Variants in SHANK2 observed in about 807,000 individuals in gnomAD.
SHANK2 encodes the protein SH3 and multiple ankyrin repeat domains 2.
A neutral mutation model predicts 133.7 loss-of-function variants in SHANK2; 43 were observed. The ratio of observed to expected loss-of-function variants is 0.32; its 90% CI spans 0.25 to 0.41. SHANK2 has a LOEUF of 0.41. SHANK2 is among the 10% of genes least tolerant of loss of function. SHANK2 has a pLI of 1.00. For synonymous variants in SHANK2, 1,017 were observed against 952.8 expected, an observed-to-expected ratio of 1.07 and a Z score of -1.24; for missense variants, 1,994 against 2,235.8, an observed-to-expected ratio of 0.89 and a Z score of 2.18.
intron 21 of SHANK2, among the ~76,000 whole-genome samples, chr11:70,499,414 G>C (rs1429460766): frequency 1.3e-5 from 2 of 152,208 alleles, no homozygotes; most frequent in African/African-American, 2.4e-5. Flanking sequence ...TGTGGATGGG[G>C]CCAGGTCCCA....
At chr11:70,822,423 C>T (rs1948543094) in intron 11 of SHANK2, among the ~76,000 whole-genome samples, 1 of 152,212 alleles carries the variant, frequency 6.6e-6, no homozygotes, top group East Asian at 1.9e-4. Context: ...ATGGTGCTGG[C>T]AGAACTCAAG....
chr11:70,701,237 A>G (rs1442205008), intron 14 of SHANK2, among the ~76,000 whole-genome samples: 1 of 152,194 alleles, frequency 6.6e-6, no homozygotes, highest in African/African-American at 2.4e-5. Flanking sequence ...AGGCTAGGTA[A>G]GGTAGCCAGT....
Position 71,247,484 on chromosome 11 carries a change from T to A in SHANK2, c.-113+4941A>T, listed in dbSNP as rs868932369. The stretch of plus-strand genomic sequence containing the variant: ...GTATGAGAGAACAAGCTGTTTTTTT[T>A]AAAAAAAACAACACTTTCAGGGACA... On this transcript the variant is annotated intron_variant, in intron 1 of 25. Transcript: ENST00000601538. 3.3e-3 allele frequency among the ~76,000 whole-genome samples: 477 copies of A among 146,042 alleles called. 2 individuals are homozygous for A. The highest frequency in any genetic ancestry group is 6.9e-3 in the Middle Eastern group (2 of 288).
At chr11:70,767,099 G>A (rs1038607717) in intron 14 of SHANK2, among the ~76,000 whole-genome samples, 2 of 152,180 alleles carry the variant, frequency 1.3e-5, no homozygotes, top group Non-Finnish European at 2.9e-5. Context: ...TGAGAGAAGT[G>A]AAAATGGACA....
chr11:70,751,036 C>G (rs1398506694), intron 14 of SHANK2, among the ~76,000 whole-genome samples: 4 of 151,004 alleles, frequency 2.6e-5, no homozygotes, highest in African/African-American at 9.7e-5. Flanking sequence ...GGAAACAATA[C>G]AAATGAAAAA....
At chr11:70,764,978 G>C (rs183480226) in intron 14 of SHANK2, among the ~76,000 whole-genome samples, 42 of 152,316 alleles carry the variant, frequency 2.8e-4, no homozygotes, top group African/African-American at 9.6e-4. Flanking sequence ...TAGGCCTGGA[G>C]GGAAGTAATC....
At chr11:70,622,552 C>T (rs1407736118) in intron 17 of SHANK2, among the ~76,000 whole-genome samples, 3 of 152,208 alleles carry the variant, frequency 2.0e-5, no homozygotes, top group Admixed American at 6.5e-5. Flanking sequence ...CCATCCGTTC[C>T]GGGGCCCTCC....
rs146060476 is a variant in SHANK2 at position 70,572,435 on chromosome 11, C to T, written c.2062-69504G>A. On this transcript the variant is annotated intron_variant, in intron 17 of 25. Transcript: ENST00000601538. ...TCGGCCTCCCAAAGTGCTCGAATTA[C>T]AGCCGTGAGCCACCATGCCTGGTCA... Among the ~76,000 whole-genome samples, 410 of 152,344 alleles carry T rather than the reference C, an allele frequency of 2.7e-3. 4 individuals carry two copies. Among genetic ancestry groups the T allele is most frequent in the African/African-American group, 9.6e-3 (398 of 41,590 alleles).
At chr11:71,083,702 C>T (rs1418127417) in intron 8 of SHANK2, among the ~76,000 whole-genome samples, 2 of 152,156 alleles carry the variant, frequency 1.3e-5, no homozygotes, top group Admixed American at 1.3e-4. Context: ...GATCCCTCAC[C>T]AAGCGGCATC....
chr11:70,486,460 G>A lies in SHANK2; in HGVS notation c.3833C>T (p.Thr1278Met), dbSNP rs782409092. 1.6e-5 allele frequency: 26 copies of A among 1,613,918 alleles called. No individual in the cohort carries two copies. Among genetic ancestry groups the A allele is most frequent in the East Asian group, 2.2e-5 (1 of 44,886 alleles). ...NTRGPLRRQE[T>M]ENKYETDLGR... is the part of the protein sequence containing the mutation. ...CAGGTCGGTCTCGTACTTGTTCTCC[G>A]TCTCCTGCCGCCTCAGGGGTCCCCG... The change falls in exon 25 of 26, where the codon ACG (threonine) becomes ATG (methionine). Residue 1278 changes from threonine to methionine, a missense_variant. Physicochemically the swap from Thr to Met is moderately conservative, Grantham distance 81. This residue lies in a region of SHANK2 where 797 missense variants were observed against 907.4 expected (regional missense o/e 0.88). Transcript: ENST00000601538. The surrounding 1 kb of genome is among the most constrained non-coding windows in gnomAD (Gnocchi z 8.0).
At chr11:70,529,572 G>A (rs544728475) in intron 17 of SHANK2, among the ~76,000 whole-genome samples, 1 of 152,340 alleles carries the variant, frequency 6.6e-6, no homozygotes, top group South Asian at 2.1e-4. Flanking sequence ...TAAAATACAC[G>A]TGGCCTAACA....
At chr11:70,616,157 A>G (rs910858794) in intron 17 of SHANK2, among the ~76,000 whole-genome samples, 1 of 152,126 alleles carries the variant, frequency 6.6e-6, no homozygotes, top group Non-Finnish European at 1.5e-5. Flanking sequence ...CCATTCTTGT[A>G]GGTTGATAAG....
In SHANK2 at chr11:71,082,947, C is replaced by CA. The variant is rs1475805259; in HGVS notation, c.913-7673_913-7672insT. ...ACGGATTGTTTCTTAACGCCCGCCC[C>CA]CCCCCCAACCCTTCTGAAACAGGTT... On this transcript the variant is annotated intron_variant, in intron 8 of 25. Transcript: ENST00000601538. Among the ~76,000 whole-genome samples, 660 of 147,174 alleles carry CA rather than the reference C, an allele frequency of 4.5e-3. 9 individuals carry two copies. Among genetic ancestry groups the CA allele is most frequent in the African/African-American group, 0.016 (640 of 39,214 alleles).
In SHANK2 at chr11:71,094,413, C is replaced by T. The variant is rs1951570390; in HGVS notation, c.744+124G>A. The T allele has an allele frequency of 1.1e-5, 10 of 928,240 alleles. No individual in the cohort carries two copies. The South Asian group carries it at 1.6e-4, about 15-fold the overall frequency. 57.5% of individuals were successfully genotyped at this position (928,240 alleles called of 1,614,324 possible). A position where few individuals can be genotyped will look rare whatever the true frequency, so the allele number is the denominator to read the frequency against. ...CTCCAGCCGGAACACTGTGCACGGA[C>T]TCCTAGGGTGGGCCGGAACACTGTG... On this transcript the variant is annotated intron_variant, in intron 7 of 25. Coordinates refer to ENST00000601538, the MANE Select transcript of SHANK2 (RefSeq NM_012309.5).
chr11:70,665,998 C>T (rs544292481), intron 15 of SHANK2, among the ~76,000 whole-genome samples: 1 of 152,222 alleles, frequency 6.6e-6, no homozygotes, highest in East Asian at 1.9e-4. Context: ...CCGCATAGGC[C>T]AGGTGCCCCA....
chr11:70,573,227 G>T (rs1256385043), intron 17 of SHANK2, among the ~76,000 whole-genome samples: 1 of 149,718 alleles, frequency 6.7e-6, no homozygotes, highest in African/African-American at 2.5e-5. Context: ...CTGCAGCGGT[G>T]GGGGCGGGGC....
At chr11:70,951,822 C>T (rs1487509518) in intron 10 of SHANK2, among the ~76,000 whole-genome samples, 1 of 152,214 alleles carries the variant, frequency 6.6e-6, no homozygotes, top group Non-Finnish European at 1.5e-5. Context: ...ACTTCAAGGA[C>T]ATTCCTTGGC....
In SHANK2 at chr11:71,118,865, G is replaced by A. The variant is rs1555100899; in HGVS notation, c.375C>T (p.Tyr125=). ...GAACGCCCTCACCCACGGGCTGTGG[G>A]TACTCGCGCAGGAGCCGCTCCTCAT... is the stretch of plus-strand genomic sequence containing the variant. The part of the protein sequence containing the change: ...FLDEERLLRE[Y]PQPVGEGVPS... The change falls in exon 4 of 26, where the codon TAC becomes TAT. Residue 125 remains tyrosine (Y), a synonymous_variant. Coordinates refer to ENST00000601538, the MANE Select transcript of SHANK2 (RefSeq NM_012309.5). 6.4e-7 allele frequency: 1 copy of A among 1,551,630 alleles called. No individual in the cohort carries two copies. Among genetic ancestry groups the A allele is most frequent in the Admixed American group, 2.0e-5 (1 of 51,004 alleles).
At chr11:70,617,315 G>T (rs532034249) in intron 17 of SHANK2, among the ~76,000 whole-genome samples, 1 of 152,026 alleles carries the variant, frequency 6.6e-6, no homozygotes, top group East Asian at 1.9e-4. Flanking sequence ...ATGTGTGTGT[G>T]TGTGTGTGAG....
Sources: allele counts gnomAD v4.1 joint callset (sites outside exome capture counted in the v4.1 genomes callset), GRCh38; gene constraint gnomAD v4.1.1; regional missense constraint gnomAD v4.1.1; non-coding constraint Gnocchi (gnomAD v3.1); transcripts MANE v1.5; gene names NCBI Gene and HGNC (gene_info 2026-07-23, HGNC 2026-07-21).